UBR4: variants seen among roughly 807,000 people sequenced by gnomAD.
UBR4 encodes ubiquitin protein ligase E3 component n-recognin 4, also known as E3 ubiquitin-protein ligase UBR4.
Under a neutral mutation model 575.6 loss-of-function variants are expected in UBR4, and 124 were observed. The ratio of observed to expected loss-of-function variants is 0.22; its 90% CI spans 0.19 to 0.25. UBR4 has a LOEUF of 0.25. UBR4 is among the 10% of genes least tolerant of loss of function. The pLI is 1.00. For synonymous variants in UBR4, 2,455 were observed against 2,473.7 expected (o/e 0.99, Z 0.22); for missense variants, 4,818 against 6,478.8 (o/e 0.74, Z 8.80).
At chr1:19,116,563 A>C (rs2080553528) in intron 73 of UBR4, among the ~76,000 whole-genome samples, 1 of 152,200 alleles carries the variant, frequency 6.6e-6, no homozygotes, top group South Asian at 2.1e-4. Flanking sequence ...CAGCTCTGTA[A>C]GTCTTACTAT....
At chr1:19,080,751 G>A (rs888472162) in intron 103 of UBR4, 4 of 152,510 alleles carry the variant, frequency 2.6e-5, no homozygotes, top group Admixed American at 6.5e-5. Flanking sequence ...ATGCTGTGGT[G>A]GCAGTTTCCA....
intron 94 of UBR4, 90 bp from the exon 95 acceptor site, chr1:19,094,229 T>A: frequency 2.2e-6 from 2 of 923,380 alleles, no homozygotes; most frequent in Non-Finnish European, 3.3e-6. Context: ...ACCACTTCCA[T>A]CAGAGTCATC....
chr1:19,194,321 T>C (rs2092314878), intron 8 of UBR4, among the ~76,000 whole-genome samples: 1 of 152,140 alleles, frequency 6.6e-6, no homozygotes, highest in African/African-American at 2.4e-5. Flanking sequence ...AACCTAAAAT[T>C]GCTTTAAAAA....
intron 104 of UBR4, 104 bp from the exon 105 acceptor site, chr1:19,077,006 C>T: frequency 8.0e-7 from 1 of 1,256,768 alleles, no homozygotes; most frequent in Non-Finnish European, 1.1e-6. Flanking sequence ...GACAGCCCTC[C>T]CAACCTACAC....
chr1:19,115,346 A>G, intron 74 of UBR4, 52 bp downstream of exon 74: 1 of 1,588,862 alleles, frequency 6.3e-7, no homozygotes, highest in South Asian at 1.1e-5. Context: ...TACTACAGAA[A>G]AATAACAAGG....
intron 68 of UBR4, among the ~76,000 whole-genome samples, chr1:19,120,833 G>C (rs1326681766): frequency 6.6e-6 from 1 of 152,198 alleles, no homozygotes; most frequent in Non-Finnish European, 1.5e-5. Flanking sequence ...TCAGCTAAGA[G>C]AGCTAACATT....
At chr1:19,115,670 A>T in intron 73 of UBR4, 33 bp from the exon 74 acceptor site, 1 of 1,611,200 alleles carries the variant, frequency 6.2e-7, no homozygotes, top group Non-Finnish European at 8.5e-7. Context: ...AGATTTTCTC[A>T]TCTAACCCTC....
At chr1:19,165,576 A>T in intron 30 of UBR4, 80 bp downstream of exon 30, 2 of 1,415,868 alleles carry the variant, frequency 1.4e-6, no homozygotes, top group Non-Finnish European at 2.0e-6. Context: ...GATAATAAGT[A>T]CCTAAATCAA....
At position 19,156,391 on chromosome 1, in the gene UBR4, G is replaced by A. The variant is rs368812626; in HGVS notation, c.5952C>T (p.Gly1984=). 1.2e-6 allele frequency: 2 copies of A among 1,614,166 alleles called. No individual in the cohort carries two copies. Among genetic ancestry groups the A allele is most frequent in the Non-Finnish European group, 1.7e-6 (2 of 1,180,020 alleles). ...DCHVLTFSSS[G]SVSDHLVLHP... is the part of the protein sequence containing the mutation. ...GCAAAACCAAGTGATCCGAAACAGA[G>A]CCTGAGCTACTAAAGGTGAGCACAT... Residue 1984 remains glycine, a synonymous_variant, in exon 42 of 106, where the codon GGC becomes GGT. Coordinates refer to ENST00000375254, the MANE Select transcript of UBR4 (RefSeq NM_020765.3).
intron 83 of UBR4, 142 bp downstream of exon 83, chr1:19,106,427 C>A: frequency 8.8e-7 from 1 of 1,137,046 alleles, no homozygotes; most frequent in Non-Finnish European, 1.2e-6. Flanking sequence ...AACCTGTACT[C>A]ACTCCCTATT....
rs748743319 is a variant in UBR4 at position 19,156,463 on chromosome 1, CT to C, written c.5920-41del. On this transcript the variant is annotated intron_variant, in intron 41 of 105. Transcript: ENST00000375254. Reference sequence around the variant, plus strand: ...AGAAACAAAATGGTGAAAAGATGATCTGAAAAGTGGGCTAATTCATTTCAGA... The same window carrying C: ...AGAAACAAAATGGTGAAAAGATGATCGAAAAGTGGGCTAATTCATTTCAGA... 1.9e-4 allele frequency: 303 copies of C among 1,600,616 alleles called. 2 individuals are homozygous for C. The highest frequency in any genetic ancestry group is 6.6e-4 in the Admixed American group (38 of 57,942).
At chr1:19,168,255 A>T in intron 27 of UBR4, 71 bp from the exon 28 acceptor site, 1 of 1,408,360 alleles carries the variant, frequency 7.1e-7, no homozygotes, top group South Asian at 1.5e-5. Flanking sequence ...ATGGAAAAAA[A>T]AACTGACATA....
rs778761515 is a variant in UBR4, at chr1:19,112,786, C to T, written c.11539G>A (p.Val3847Met). 1.4e-5 allele frequency: 22 copies of T among 1,614,046 alleles called. No homozygotes were observed. The highest frequency in any genetic ancestry group is 3.3e-5 in the South Asian group (3 of 91,088). The change falls in exon 78 of 106, where the codon GTG (valine) becomes ATG (methionine). Residue 3847 changes from valine to methionine, a missense_variant. This residue lies in a region of UBR4 where 333 missense variants were observed against 459.2 expected (regional missense o/e 0.73). Coordinates refer to ENST00000375254, the MANE Select transcript of UBR4 (RefSeq NM_020765.3). ...TGGCTGGCAGTGAATGTGGGCTGCA[C>T]GGAGGTCCGGGATGATTTAGTGGCT... ...EAATKSSRTS[V>M]QPTFTASQYR...
At chr1:19,130,995 A>T (rs2082357948) in intron 60 of UBR4, among the ~76,000 whole-genome samples, 1 of 151,944 alleles carries the variant, frequency 6.6e-6, no homozygotes, top group Non-Finnish European at 1.5e-5. Flanking sequence ...TGCAGTCTTG[A>T]CTTCCTGGGC....
At chr1:19,168,508 A>G (rs2088896240) in intron 27 of UBR4, among the ~76,000 whole-genome samples, 1 of 152,248 alleles carries the variant, frequency 6.6e-6, no homozygotes, top group African/African-American at 2.4e-5. Context: ...TGGATTTTGC[A>G]ATGCATCTGG....
At chr1:19,104,345 A>T in intron 86 of UBR4, 88 bp from the exon 87 acceptor site, 1 of 1,503,450 alleles carries the variant, frequency 6.7e-7, no homozygotes, top group Non-Finnish European at 9.0e-7. Context: ...GCAACTCAAA[A>T]AGCAGGGAAA....
chr1:19,146,151 T>G, intron 52 of UBR4: 1 of 1,475,298 alleles, frequency 6.8e-7, no homozygotes, highest in African/African-American at 1.4e-5. Context: ...TAGAATTAAG[T>G]AGAACGGGGA....
chr1:19,137,930 G>C, intron 60 of UBR4, 77 bp downstream of exon 60: 3 of 1,323,626 alleles, frequency 2.3e-6, no homozygotes, highest in Non-Finnish European at 3.0e-6. Context: ...TCTACCTCCT[G>C]CAATTGATCA....
At chr1:19,193,353 T>C (rs2092247204) in intron 9 of UBR4, 80 bp downstream of exon 9, 1 of 1,549,974 alleles carries the variant, frequency 6.5e-7, no homozygotes, top group Non-Finnish European at 8.8e-7. Context: ...TTCTTTCTTC[T>C]ATCATGGAAG....
Sources: allele counts gnomAD v4.1 joint callset (sites outside exome capture counted in the v4.1 genomes callset), GRCh38; gene constraint gnomAD v4.1.1; regional missense constraint gnomAD v4.1.1; transcripts MANE v1.5; gene names NCBI Gene and HGNC (gene_info 2026-07-23, HGNC 2026-07-21).